The following USP10 variants were observed in gnomAD, a reference collection of about 807,000 sequenced individuals.
The protein encoded by USP10 is ubiquitin specific peptidase 10, also known as ubiquitin carboxyl-terminal hydrolase 10.
A neutral mutation model predicts 84.5 loss-of-function variants in USP10; 22 were observed. The ratio of observed to expected loss-of-function variants is 0.26; its 90% CI spans 0.19 to 0.37. The LOEUF (loss-of-function observed/expected upper bound fraction) is 0.37. Ranked by LOEUF, USP10 falls within the 10% of genes least tolerant of loss-of-function variation. USP10 has a pLI of 1.00. For synonymous variants in USP10, 454 were observed against 387.6 expected (o/e 1.17, Z -2.01); for missense variants, 1,019 against 998.9 (o/e 1.02, Z -0.27).
intron 1 of USP10, among the ~76,000 whole-genome samples, chr16:84,726,953 G>C (rs1908570099): frequency 6.6e-6 from 1 of 152,194 alleles, no homozygotes; most frequent in Admixed American, 6.5e-5. Context: ...CAGAGTTGCT[G>C]AAACCTTAGG....
intron 1 of USP10, chr16:84,708,978 C>G (rs1304212389): frequency 6.6e-6 from 1 of 152,134 alleles, no homozygotes; most frequent in Non-Finnish European, 1.5e-5. Flanking sequence ...CTGGGTGCAT[C>G]CAGTTTTAGG....
In USP10 at chr16:84,745,081, G is replaced by A; in HGVS notation, c.600G>A (p.Met200Ile). 6.2e-7 allele frequency: 1 copy of A among 1,613,612 alleles called. No individual in the cohort carries two copies. The highest frequency in any genetic ancestry group is 8.5e-7 in the Non-Finnish European group (1 of 1,179,632). Residue 200 changes from methionine to isoleucine, a missense_variant, in exon 4 of 14, where the codon ATG becomes ATA. This residue lies in a region of USP10 where 787 missense variants were observed against 708.8 expected (regional missense o/e 1.11). Coordinates refer to ENST00000219473, the MANE Select transcript of USP10 (RefSeq NM_005153.3). The stretch of plus-strand genomic sequence containing the variant: ...AGGATGCAGAATTTATGGGTGACAT[G>A]CCCCCGTCAGTTACGCCCAGGACTT... The part of the protein sequence containing the change: ...SAEDAEFMGD[M>I]PPSVTPRTCN...
intron 1 of USP10, among the ~76,000 whole-genome samples, chr16:84,715,238 A>G (rs1906860476): frequency 6.6e-6 from 1 of 152,054 alleles, no homozygotes; most frequent in Non-Finnish European, 1.5e-5. Context: ...CCCATTTATA[A>G]AATATCAATA....
intron 12 of USP10, among the ~76,000 whole-genome samples, chr16:84,774,564 G>A (rs893981245): frequency 1.3e-4 from 20 of 150,906 alleles, no homozygotes; most frequent in Non-Finnish European, 2.8e-4. Context: ...TCTGCCTCCC[G>A]GGTTCAAGTG....
chr16:84,756,312 G>A (rs1190044808), intron 4 of USP10, among the ~76,000 whole-genome samples: 2 of 152,232 alleles, frequency 1.3e-5, no homozygotes, highest in East Asian at 3.8e-4. Context: ...AAAGGTTTCA[G>A]CCACACACCA....
At chr16:84,727,044 TG>T (rs1908583883) in intron 1 of USP10, among the ~76,000 whole-genome samples, 1 of 152,240 alleles carries the variant, frequency 6.6e-6, no homozygotes, top group Non-Finnish European at 1.5e-5. Flanking sequence ...ACAGTTTCTG[TG>T]GTGTGGCATG....
chr16:84,764,432 C>T (rs1266870910), intron 10 of USP10, among the ~76,000 whole-genome samples, 169 bp downstream of exon 10: 1 of 152,198 alleles, frequency 6.6e-6, no homozygotes, highest in South Asian at 2.1e-4. Context: ...CTTGTCAGCC[C>T]CCGTGGCTTA....
intron 1 of USP10, among the ~76,000 whole-genome samples, chr16:84,702,803 A>T (rs1203616945): frequency 2.0e-5 from 3 of 151,790 alleles, no homozygotes; most frequent in Admixed American, 2.0e-4. Context: ...GATCAGCCTG[A>T]CCAATATAGT....
chr16:84,732,402 G>A lies in USP10; in HGVS notation c.22-1033G>A, dbSNP rs115637766. Reference sequence around the variant, plus strand: ...TAAATGAATGAATCATTGCTTCTCCGTTGTGGAAATTGCTAATTCTTCTCA... The same window carrying A: ...TAAATGAATGAATCATTGCTTCTCCATTGTGGAAATTGCTAATTCTTCTCA... On this transcript the variant is annotated intron_variant, in intron 1 of 13. Transcript: ENST00000219473. 1,246 of 389,134 alleles carry A rather than the reference G, an allele frequency of 3.2e-3. 15 individuals carry two copies. The highest frequency in any genetic ancestry group is 0.025 in the African/African-American group (1,141 of 45,910). 24.1% of individuals were successfully genotyped at this position (389,134 alleles called of 1,614,324 possible).
chr16:84,748,774 A>G (rs189293372), intron 4 of USP10, among the ~76,000 whole-genome samples: 4 of 152,326 alleles, frequency 2.6e-5, no homozygotes, highest in Admixed American at 2.0e-4. Context: ...ATAGTTTGTT[A>G]TGTTCTGTAT....
In USP10 at chr16:84,745,178, G is replaced by C. The variant is rs1027765187; in HGVS notation, c.697G>C (p.Gly233Arg). 5 of 1,613,236 alleles carry C rather than the reference G, an allele frequency of 3.1e-6. No homozygotes were observed. Among genetic ancestry groups the C allele is most frequent in the Non-Finnish European group, 3.4e-6 (4 of 1,179,626 alleles). ...TGACAGTCCTTTCCCCGGAGCACTC[G>C]GCAGTGACACCAGGACTGCAGGGCA... ...VPDSPFPGALGSDTRTAGQPE... is the reference protein window; with the variant it reads ...VPDSPFPGALRSDTRTAGQPE... The change falls in exon 4 of 14, where the codon GGC (glycine) becomes CGC (arginine). Residue 233 changes from glycine to arginine, a missense_variant. By Grantham distance (125) the Gly-to-Arg change is moderately radical. Coordinates refer to ENST00000219473, the MANE Select transcript of USP10 (RefSeq NM_005153.3).
intron 1 of USP10, among the ~76,000 whole-genome samples, chr16:84,725,790 G>C (rs1418581174): frequency 6.6e-6 from 1 of 152,216 alleles, no homozygotes; most frequent in African/African-American, 2.4e-5. Context: ...TTTAGAAGTT[G>C]TCTGGTCCAA....
Position 84,744,634 on chromosome 16 carries a change from A to G in USP10, c.153A>G (p.Gly51=). The G allele has an allele frequency of 2.5e-6, 4 of 1,604,532 alleles. No individual in the cohort carries two copies. Among genetic ancestry groups the G allele is most frequent in the Non-Finnish European group, 3.4e-6 (4 of 1,173,796 alleles). Residue 51 remains glycine (G), a splice_region_variant and synonymous_variant, in exon 4 of 14, where the codon GGA becomes GGG. Transcript: ENST00000219473. ...ACTAATAGTTTTCTTTCTAAACAGG[A>G]CAAGAATATCAGAGAATTGAGTTTG... ...GTQAVDKLPD[G]QEYQRIEFGV... is the part of the protein sequence containing the mutation.
intron 2 of USP10, among the ~76,000 whole-genome samples, chr16:84,737,627 A>G (rs991405465): frequency 8.5e-5 from 13 of 152,226 alleles, no homozygotes; most frequent in Non-Finnish European, 1.3e-4. Context: ...TGAAGGTGGC[A>G]GTGTCATCTG....
intron 10 of USP10, among the ~76,000 whole-genome samples, chr16:84,766,526 C>T (rs1260150263): frequency 6.6e-6 from 1 of 152,254 alleles, no homozygotes; most frequent in African/African-American, 2.4e-5. Context: ...AGGACACCCC[C>T]TCGGGATGGG....
At chr16:84,755,120 G>A (rs1912379508) in intron 4 of USP10, among the ~76,000 whole-genome samples, 1 of 151,302 alleles carries the variant, frequency 6.6e-6, no homozygotes, top group African/African-American at 2.4e-5. Flanking sequence ...TGTTCGAACG[G>A]GTCAACAACG....
chr16:84,739,123 A>G (rs1007224983), intron 2 of USP10, among the ~76,000 whole-genome samples: 4 of 149,660 alleles, frequency 2.7e-5, no homozygotes, highest in Admixed American at 1.3e-4. Flanking sequence ...CAGTGGCACT[A>G]TCTCGGCTCA....
At chr16:84,701,487 G>T (rs992011807) in intron 1 of USP10, among the ~76,000 whole-genome samples, 4 of 152,078 alleles carry the variant, frequency 2.6e-5, no homozygotes, top group African/African-American at 9.7e-5. Flanking sequence ...TAAAAAAAAA[G>T]ATTTGATATT....
At chr16:84,752,491 T>A (rs1912046982) in intron 4 of USP10, among the ~76,000 whole-genome samples, 1 of 152,230 alleles carries the variant, frequency 6.6e-6, no homozygotes, top group Non-Finnish European at 1.5e-5. Flanking sequence ...TCTTTTAGCC[T>A]CCATAATTGG....
Sources: gnomAD v4.1 joint callset for allele counts (sites outside exome capture counted in the v4.1 genomes callset) on GRCh38, gnomAD v4.1.1 for gene constraint, gnomAD v4.1.1 regional missense constraint, MANE v1.5 for transcripts, NCBI Gene and HGNC (gene_info 2026-07-23, HGNC 2026-07-21) for gene names.